YES1: variants seen among roughly 807,000 people sequenced by gnomAD.
YES1 encodes the protein YES proto-oncogene 1, Src family tyrosine kinase, also known as tyrosine-protein kinase Yes.
Under a neutral mutation model 70.4 loss-of-function variants are expected in YES1, and 39 were observed. The ratio of observed to expected loss-of-function variants is 0.55; its 90% CI spans 0.43 to 0.72. YES1 has a LOEUF of 0.72. Ranked by LOEUF, YES1 falls within the 30% of genes least tolerant of loss-of-function variation. YES1 has a pLI of 0.00. For missense variants in YES1, 495 were observed against 644.8 expected (o/e 0.77, Z 2.52); for synonymous variants, 198 against 218.6 (o/e 0.91, Z 0.83).
intron 8 of YES1, among the ~76,000 whole-genome samples, chr18:742,459 TAAAAAAA>T (rs59582095): frequency 1.4e-5 from 2 of 143,386 alleles, no homozygotes; most frequent in African/African-American, 5.1e-5. Flanking sequence ...AGTCTCTATT[TAAAAAAA>T]AAAAAAAAAA....
At chr18:730,473 G>A (rs1172335375) in intron 11 of YES1, among the ~76,000 whole-genome samples, 1 of 151,500 alleles carries the variant, frequency 6.6e-6, no homozygotes, top group Admixed American at 6.6e-5. Flanking sequence ...GCCTCCCAAA[G>A]TGCTGGGATT....
chr18:740,297 T>C (rs1489997098), intron 8 of YES1, among the ~76,000 whole-genome samples: 1 of 152,214 alleles, frequency 6.6e-6, no homozygotes, highest in East Asian at 1.9e-4. Context: ...AGAAGTCTGA[T>C]TACGGCTTCA....
chr18:732,886 T>C lies in YES1; in HGVS notation c.1371A>G (p.Ser457=). Residue 457 remains serine (S), a synonymous_variant, in exon 11 of 12, where the codon TCA becomes TCG. Coordinates refer to ENST00000314574, the MANE Select transcript of YES1 (RefSeq NM_005433.4). ...CTAGTTCTGTTTGCAGAATTCCAAA[T>C]GACCAGACATCAGACTTTATTGTAA... ...GRFTIKSDVW[S]FGILQTELVT... is the part of the protein sequence containing the mutation. 1 of 1,614,236 alleles carries C rather than the reference T, an allele frequency of 6.2e-7. No homozygotes were observed. Among genetic ancestry groups the C allele is most frequent in the Non-Finnish European group, 8.5e-7 (1 of 1,180,046 alleles).
intron 1 of YES1, among the ~76,000 whole-genome samples, chr18:776,881 A>C (rs1221824531): frequency 6.6e-6 from 1 of 152,154 alleles, no homozygotes; most frequent in Non-Finnish European, 1.5e-5. Flanking sequence ...ACAAAATAAA[A>C]CCTCAACCCT....
At position 808,187 on chromosome 18, in the gene YES1, T is replaced by C. The variant is rs78214454; in HGVS notation, c.-9+3927A>G. On this transcript the variant is annotated intron_variant, in intron 1 of 11. Transcript: ENST00000314574. The stretch of plus-strand genomic sequence containing the variant: ...AAGTCTGCTAGTTCCAAGACAACAG[T>C]AGTGCTGCTGCAGCCAACGATTCCT... Among the ~76,000 whole-genome samples, 634 of 152,290 alleles carry C rather than the reference T, an allele frequency of 4.2e-3. 4 individuals are homozygous for C. Among genetic ancestry groups the C allele is most frequent in the East Asian group, 0.033 (171 of 5,190 alleles).
At chr18:732,701 G>T in intron 11 of YES1, 133 bp downstream of exon 11, 1 of 1,178,706 alleles carries the variant, frequency 8.5e-7, no homozygotes, top group Non-Finnish European at 1.2e-6. Flanking sequence ...TAAAGGGAAG[G>T]AGTGGGGAGA....
chr18:783,146 A>G (rs1246740246), intron 1 of YES1, among the ~76,000 whole-genome samples: 5 of 152,118 alleles, frequency 3.3e-5, no homozygotes, highest in Non-Finnish European at 5.9e-5. Flanking sequence ...GCTACTCAGG[A>G]GGCCAAGGCA....
intron 1 of YES1, among the ~76,000 whole-genome samples, chr18:762,256 G>A (rs1181776861): frequency 1.3e-5 from 2 of 152,230 alleles, no homozygotes; most frequent in African/African-American, 2.4e-5. Flanking sequence ...GGAGGCAGAG[G>A]CTGCGGTGAG....
chr18:774,672 C>T (rs1905294313), intron 1 of YES1, among the ~76,000 whole-genome samples: 2 of 152,170 alleles, frequency 1.3e-5, no homozygotes, highest in African/African-American at 4.8e-5. Flanking sequence ...GTCTAGGTCA[C>T]ATCACCTTTC....
chr18:788,448 T>C (rs761847874), intron 1 of YES1, among the ~76,000 whole-genome samples: 1 of 152,190 alleles, frequency 6.6e-6, no homozygotes, highest in Non-Finnish European at 1.5e-5. Flanking sequence ...ATAATAACGA[T>C]GTGTATATAT....
chr18:780,354 A>AATAAATTAAT (rs1320506272), intron 1 of YES1, among the ~76,000 whole-genome samples: 95 of 152,312 alleles, frequency 6.2e-4, no homozygotes, highest in African/African-American at 2.0e-3. Context: ...TGTATGGATT[A>AATAAATTAAT]CTAAAGGATA....
chr18:724,096 T>C lies in YES1; in HGVS notation c.*328A>G. 5.0e-6 allele frequency: 1 copy of C among 199,716 alleles called. No individual in the cohort carries two copies. 12.4% of individuals were successfully genotyped at this position (199,716 alleles called of 1,614,324 possible). ...ATAAATAATTTTCTTTGAGCAATTC[T>C]GACTTTGGGGAAAAAAAGAAAGGAA... On this transcript the variant is annotated 3_prime_UTR_variant, in exon 12 of 12. Transcript: ENST00000314574.
At chr18:790,936 A>G (rs879346860) in intron 1 of YES1, among the ~76,000 whole-genome samples, 1 of 152,188 alleles carries the variant, frequency 6.6e-6, no homozygotes, top group Non-Finnish European at 1.5e-5. Context: ...ATATTCATTC[A>G]TTAATTCAAA....
chr18:739,712 G>T (rs755410940), intron 9 of YES1, 23 bp downstream of exon 9: 8 of 1,539,712 alleles, frequency 5.2e-6, no homozygotes, highest in East Asian at 4.6e-5. Context: ...AATTCAAATG[G>T]ATACATGTAT....
intron 1 of YES1, among the ~76,000 whole-genome samples, chr18:787,431 T>C (rs1325184673): frequency 6.6e-6 from 1 of 151,798 alleles, no homozygotes; most frequent in East Asian, 2.0e-4. Flanking sequence ...TTTGTTGGGC[T>C]GGGCGCGGTG....
At chr18:774,081 T>C (rs1285660948) in intron 1 of YES1, among the ~76,000 whole-genome samples, 3 of 152,210 alleles carry the variant, frequency 2.0e-5, no homozygotes, top group Admixed American at 6.5e-5. Flanking sequence ...TCCACCCGCC[T>C]TGGCCTCCCA....
chr18:800,652 T>C (rs1025798657), intron 1 of YES1, among the ~76,000 whole-genome samples: 3 of 152,254 alleles, frequency 2.0e-5, no homozygotes, highest in Admixed American at 1.3e-4. Context: ...AAGAAAATTA[T>C]TGTTAATGTA....
intron 1 of YES1, among the ~76,000 whole-genome samples, chr18:765,278 ATATATATATATAT>A (rs1013837437): frequency 2.0e-5 from 2 of 99,742 alleles, no homozygotes; most frequent in Non-Finnish European, 4.2e-5. Context: ...ATATATATAT[ATATATATATATAT>A]ATCTGTAGCA....
At chr18:727,648 T>C (rs1187392350) in intron 11 of YES1, among the ~76,000 whole-genome samples, 2 of 152,238 alleles carry the variant, frequency 1.3e-5, no homozygotes, top group Non-Finnish European at 2.9e-5. Context: ...CCTTGGTTTA[T>C]TGTATGTTAC....
Sources: gnomAD v4.1 joint callset for allele counts (sites outside exome capture counted in the v4.1 genomes callset) on GRCh38, gnomAD v4.1.1 for gene constraint, MANE v1.5 for transcripts, NCBI Gene and HGNC (gene_info 2026-07-23, HGNC 2026-07-21) for gene names.